The following GPD2 variants were observed in gnomAD, a reference collection of about 807,000 sequenced individuals.
GPD2 encodes glycerol-3-phosphate dehydrogenase 2, also known as glycerol-3-phosphate dehydrogenase, mitochondrial.
In GPD2, 54 loss-of-function variants were observed where a neutral mutation model predicts 82.4. That is an observed-to-expected ratio of 0.66 (90% CI 0.53 to 0.82). The LOEUF is 0.82. Among genes scored for constraint, GPD2 ranks in the 40% least tolerant of loss-of-function variants. The pLI is 0.00. For missense variants in GPD2, 748 were observed against 896.2 expected, an observed-to-expected ratio of 0.83 and a Z score of 2.11; for synonymous variants, 288 against 306.1, an observed-to-expected ratio of 0.94 and a Z score of 0.62.
chr2:156,471,383 A>G (rs1683321511), intron 1 of GPD2, among the ~76,000 whole-genome samples: 1 of 152,214 alleles, frequency 6.6e-6, no homozygotes. Context: ...GTTAGACAAA[A>G]CATCTTACTT....
chr2:156,434,471 AAAAC>A (rs1214604900), upstream of GPD2, among the ~76,000 whole-genome samples: 2 of 152,162 alleles, frequency 1.3e-5, no homozygotes, highest in Non-Finnish European at 2.9e-5. Flanking sequence ...TTTACATAAA[AAAAC>A]AAACTATTAA....
intron 13 of GPD2, among the ~76,000 whole-genome samples, chr2:156,575,769 AT>A (rs146305119): frequency 0.031 from 4,768 of 152,228 alleles, 257 homozygotes; most frequent in African/African-American, 0.11. Flanking sequence ...TCTATAAAGC[AT>A]TTTAGAAAGT....
At chr2:156,546,804 A>G (rs778076911) in intron 6 of GPD2, among the ~76,000 whole-genome samples, 4 of 152,170 alleles carry the variant, frequency 2.6e-5, no homozygotes, top group Non-Finnish European at 5.9e-5. Flanking sequence ...TTAAATTCAG[A>G]TTTTACACAT....
At chr2:156,577,495 A>AG (rs1687867064) in intron 13 of GPD2, among the ~76,000 whole-genome samples, 1 of 152,196 alleles carries the variant, frequency 6.6e-6, no homozygotes, top group Non-Finnish European at 1.5e-5. Flanking sequence ...TCAGAAAAAA[A>AG]AAAGTTTGTC....
At chr2:156,531,129 T>C (rs1019654942) in intron 6 of GPD2, among the ~76,000 whole-genome samples, 1 of 152,258 alleles carries the variant, frequency 6.6e-6, no homozygotes, top group Non-Finnish European at 1.5e-5. Flanking sequence ...GAAGTTTAAT[T>C]ATTTTAATTT....
At chr2:156,463,323 G>A (rs942269650) in intron 1 of GPD2, among the ~76,000 whole-genome samples, 6 of 151,996 alleles carry the variant, frequency 3.9e-5, no homozygotes, top group Admixed American at 3.3e-4. Flanking sequence ...GTAAACTCTT[G>A]GAATGCAGGG....
chr2:156,510,705 T>G, intron 3 of GPD2, 91 bp from the exon 4 acceptor site: 1 of 1,019,918 alleles, frequency 9.8e-7, no homozygotes, highest in Non-Finnish European at 1.5e-6. Flanking sequence ...TAATTTTTCT[T>G]GTGATTGTCT....
intron 3 of GPD2, among the ~76,000 whole-genome samples, chr2:156,507,483 C>T (rs936425850): frequency 9.9e-5 from 15 of 151,936 alleles, no homozygotes; most frequent in African/African-American, 3.4e-4. Context: ...CCACTATGCC[C>T]GGCTAATTTT....
At chr2:156,561,377 G>A (rs1489598580) in intron 9 of GPD2, among the ~76,000 whole-genome samples, 1 of 152,026 alleles carries the variant, frequency 6.6e-6, no homozygotes, top group African/African-American at 2.4e-5. Flanking sequence ...GTTAGTATTG[G>A]AGCCATAATT....
At chr2:156,517,301 A>T (rs1455305338) in intron 6 of GPD2, among the ~76,000 whole-genome samples, 1 of 152,222 alleles carries the variant, frequency 6.6e-6, no homozygotes, top group East Asian at 1.9e-4. Flanking sequence ...TGTTCTGTGC[A>T]TGACATAAGT....
At chr2:156,411,752 A>G in the GPD2 span, among the ~76,000 whole-genome samples, 1 of 152,242 alleles carries the variant, frequency 6.6e-6, no homozygotes, top group East Asian at 1.9e-4. Flanking sequence ...TTTAAACCTA[A>G]AGTTGTTCTT....
intron 6 of GPD2, among the ~76,000 whole-genome samples, chr2:156,546,681 C>T (rs1686551112): frequency 6.6e-6 from 1 of 152,142 alleles, no homozygotes; most frequent in Admixed American, 6.5e-5. Context: ...CCTGTGCTTG[C>T]ATTTCCCTGC....
At chr2:156,571,360 G>A (rs1687635627) in intron 13 of GPD2, 68 bp downstream of exon 13, 24 of 989,122 alleles carry the variant, frequency 2.4e-5, no homozygotes, top group Non-Finnish European at 3.6e-5. Flanking sequence ...TTTGTTAGTA[G>A]AAGCTAGCGT....
intron 3 of GPD2, among the ~76,000 whole-genome samples, chr2:156,499,907 A>G (rs1243895339): frequency 1.3e-5 from 2 of 151,954 alleles, no homozygotes; most frequent in African/African-American, 2.4e-5. Flanking sequence ...CTTGATTTCA[A>G]GGAACAACTT....
upstream of GPD2, among the ~76,000 whole-genome samples, chr2:156,433,946 A>G (rs1391751777): frequency 6.6e-6 from 1 of 152,154 alleles, no homozygotes; most frequent in Admixed American, 6.6e-5. Flanking sequence ...CAACTCAACC[A>G]GATTATTCCT....
At chr2:156,563,263 C>T (rs1687241683) in intron 9 of GPD2, among the ~76,000 whole-genome samples, 1 of 151,894 alleles carries the variant, frequency 6.6e-6, no homozygotes, top group African/African-American at 2.4e-5. Context: ...TTACTAGATA[C>T]AGTATTTGGG....
At position 156,500,878 on chromosome 2, in the gene GPD2, C is replaced by T. The variant is rs551185153; in HGVS notation, c.274+4663C>T. Among the ~76,000 whole-genome samples the T allele has an allele frequency of 7.2e-5, 11 of 152,310 alleles. 1 individual carries two copies. Among genetic ancestry groups the T allele is most frequent in the African/African-American group, 2.6e-4 (11 of 41,564 alleles). ...AACACAATATGCAGACTTCTCCTCA[C>T]GTTCTCCTGCAGGTCTCTAGGATCA... is the stretch of plus-strand genomic sequence containing the variant. On this transcript the variant is annotated intron_variant, in intron 3 of 16. Transcript: ENST00000438166.
intron 9 of GPD2, among the ~76,000 whole-genome samples, chr2:156,563,446 T>C (rs1475017003): frequency 6.6e-6 from 1 of 152,168 alleles, no homozygotes; most frequent in Non-Finnish European, 1.5e-5. Context: ...TGTTATACCA[T>C]GGACAGTTAA....
chr2:156,552,178 T>C (rs1340642703), intron 8 of GPD2, among the ~76,000 whole-genome samples: 2 of 152,212 alleles, frequency 1.3e-5, no homozygotes, highest in Non-Finnish European at 2.9e-5. Flanking sequence ...CCTTTGCGTT[T>C]TCAAAATGCG....
Sources: allele counts gnomAD v4.1 joint callset (sites outside exome capture counted in the v4.1 genomes callset), GRCh38; gene constraint gnomAD v4.1.1; transcripts MANE v1.5; gene names NCBI Gene and HGNC (gene_info 2026-07-23, HGNC 2026-07-21).